PSD3: variants seen among roughly 807,000 people sequenced by gnomAD.
PSD3 encodes pleckstrin and Sec7 domain containing 3.
In PSD3, 49 loss-of-function variants were observed where a neutral mutation model predicts 105.5. That is an observed-to-expected ratio of 0.46 (90% CI 0.37 to 0.59). PSD3 has a LOEUF of 0.59. Among genes scored for constraint, PSD3 ranks in the 20% least tolerant of loss-of-function variants. PSD3 has a pLI of 0.00. For missense variants in PSD3, 1,561 were observed against 1,263.8 expected (o/e 1.24, Z -3.57); for synonymous variants, 557 against 457.8 (o/e 1.22, Z -2.77).
chr8:18,802,238 T>C (rs1037585444), intron 6 of PSD3: 4 of 246,172 alleles, frequency 1.6e-5, no homozygotes, highest in Non-Finnish European at 3.5e-5. Flanking sequence ...AAAATATCTT[T>C]AAATTATAGG....
Position 18,862,732 on chromosome 8 carries a change from G to A in PSD3, c.1634+4942C>T, listed in dbSNP as rs373097287. 5.4e-4 allele frequency among the ~76,000 whole-genome samples: 82 copies of A among 152,008 alleles called. No individual in the cohort carries two copies. The South Asian group carries it at 0.016, about 30-fold the overall frequency. On this transcript the variant is annotated intron_variant, in intron 4 of 15. Coordinates refer to ENST00000327040, the MANE Select transcript of PSD3 (RefSeq NM_015310.4). ...AAGTTTAAACTGGGATGTTGAAACA[G>A]TTTTTCAAATCGCACTTCAACAAAT...
chr8:18,539,705 G>A (rs1224261353), intron 15 of PSD3, among the ~76,000 whole-genome samples: 1 of 151,906 alleles, frequency 6.6e-6, no homozygotes, highest in Non-Finnish European at 1.5e-5. Context: ...GCACCACCAA[G>A]CCCGACTAAT....
intron 9 of PSD3, among the ~76,000 whole-genome samples, chr8:18,722,022 T>A (rs1377049488): frequency 2.0e-5 from 3 of 152,044 alleles, no homozygotes; most frequent in African/African-American, 7.2e-5. Context: ...TTGTTACAAT[T>A]TCTAAACTGG....
intron 14 of PSD3, among the ~76,000 whole-genome samples, chr8:18,560,021 A>G (rs1431040512): frequency 6.6e-6 from 1 of 152,228 alleles, no homozygotes; most frequent in Non-Finnish European, 1.5e-5. Flanking sequence ...GAGTCAATAA[A>G]GTAAGCTCAA....
At chr8:18,880,446 G>C (rs1818035232) in intron 2 of PSD3, among the ~76,000 whole-genome samples, 1 of 152,190 alleles carries the variant, frequency 6.6e-6, no homozygotes, top group Non-Finnish European at 1.5e-5. Context: ...GTAGCAGAGA[G>C]GGCACAAGCA....
At chr8:18,987,798 G>A (rs1825585736) in intron 1 of PSD3, among the ~76,000 whole-genome samples, 1 of 152,012 alleles carries the variant, frequency 6.6e-6, no homozygotes, top group Admixed American at 6.6e-5. Context: ...AGGCAACAGA[G>A]CAAGACCCTG....
chr8:18,950,251 T>C (rs747574457), intron 1 of PSD3, among the ~76,000 whole-genome samples: 11 of 152,224 alleles, frequency 7.2e-5, no homozygotes, highest in Non-Finnish European at 1.3e-4. Flanking sequence ...CAGAAAGGAA[T>C]TGTTTACAGA....
chr8:18,841,603 G>C (rs927633017), intron 4 of PSD3, among the ~76,000 whole-genome samples: 5 of 152,276 alleles, frequency 3.3e-5, no homozygotes, highest in South Asian at 2.1e-4. Flanking sequence ...GGACACTGGT[G>C]AATGTGTGGG....
chr8:18,958,295 T>G (rs67478477), intron 1 of PSD3, among the ~76,000 whole-genome samples: 61,508 of 151,758 alleles, frequency 0.41, 12,638 homozygotes, highest in African/African-American at 0.43. Flanking sequence ...CTACCCTCTG[T>G]TAACAGAGAT....
At chr8:18,718,593 A>T (rs1403041728) in intron 9 of PSD3, among the ~76,000 whole-genome samples, 1 of 152,252 alleles carries the variant, frequency 6.6e-6, no homozygotes, top group African/African-American at 2.4e-5. Flanking sequence ...TAATCAGAAG[A>T]ATATTAACAA....
chr8:18,950,362 G>A (rs776807573), intron 1 of PSD3, among the ~76,000 whole-genome samples: 1 of 152,058 alleles, frequency 6.6e-6, no homozygotes, highest in Non-Finnish European at 1.5e-5. Flanking sequence ...TTTTGTGGTA[G>A]CAACATTTGA....
intron 4 of PSD3, among the ~76,000 whole-genome samples, chr8:18,821,469 G>C (rs980236530): frequency 2.6e-5 from 4 of 151,990 alleles, no homozygotes; most frequent in Non-Finnish European, 5.9e-5. Flanking sequence ...ATTACAGGTT[G>C]GATGAAATTT....
At chr8:19,049,839 G>A (rs145058531) in intron 1 of PSD3, among the ~76,000 whole-genome samples, 5 of 152,072 alleles carry the variant, frequency 3.3e-5, no homozygotes, top group East Asian at 3.9e-4. Context: ...TGGCAAATTC[G>A]AGTCTGAAGC....
At chr8:18,644,145 T>C (rs1367130916) in intron 10 of PSD3, among the ~76,000 whole-genome samples, 1 of 152,254 alleles carries the variant, frequency 6.6e-6, no homozygotes, top group Non-Finnish European at 1.5e-5. Flanking sequence ...CTTGATCTCT[T>C]GTATCCATAA....
At chr8:19,074,901 T>G (rs1418913403) in intron 1 of PSD3, among the ~76,000 whole-genome samples, 2 of 150,816 alleles carry the variant, frequency 1.3e-5, no homozygotes, top group African/African-American at 4.9e-5. Context: ...ATTACAGGAG[T>G]GAGCCACCGT....
At chr8:18,573,178 C>T (rs965141208) in intron 13 of PSD3, among the ~76,000 whole-genome samples, 1 of 152,114 alleles carries the variant, frequency 6.6e-6, no homozygotes, top group Non-Finnish European at 1.5e-5. Flanking sequence ...GAAATAAAAA[C>T]ATATAGATAT....
intron 12 of PSD3, among the ~76,000 whole-genome samples, chr8:18,587,344 C>T (rs1049053780): frequency 6.6e-5 from 10 of 152,122 alleles, no homozygotes; most frequent in Middle Eastern, 6.3e-3. Flanking sequence ...GAAAACAGTT[C>T]TTTCGTAAAT....
At chr8:18,604,235 C>T (rs754091495) in intron 11 of PSD3, among the ~76,000 whole-genome samples, 2 of 152,148 alleles carry the variant, frequency 1.3e-5, no homozygotes, top group Non-Finnish European at 2.9e-5. Flanking sequence ...AACAAGGACA[C>T]AGATGGAAAT....
chr8:19,082,612 C>A (rs190281334), intron 1 of PSD3, among the ~76,000 whole-genome samples: 2 of 152,160 alleles, frequency 1.3e-5, no homozygotes, highest in Non-Finnish European at 2.9e-5. Flanking sequence ...GAGATCCACA[C>A]ACTTGGACCA....
Sources: gnomAD v4.1 joint callset for allele counts (sites outside exome capture counted in the v4.1 genomes callset) on GRCh38, gnomAD v4.1.1 for gene constraint, MANE v1.5 for transcripts, NCBI Gene and HGNC (gene_info 2026-07-23, HGNC 2026-07-21) for gene names.